QTMAN: variants seen among roughly 807,000 people sequenced by gnomAD.
The protein encoded by QTMAN is queuosine-tRNA mannosyltransferase.
chr2:144,202,990 T>C, the QTMAN span, among the ~76,000 whole-genome samples: 1 of 152,164 alleles, frequency 6.6e-6, no homozygotes, highest in Non-Finnish European at 1.5e-5. Flanking sequence ...GAATAAACTA[T>C]AAACTCCATA....
the QTMAN span, among the ~76,000 whole-genome samples, chr2:144,103,254 T>C: frequency 6.6e-6 from 1 of 152,298 alleles, no homozygotes; most frequent in South Asian, 2.1e-4. Flanking sequence ...TGTTAGTAGA[T>C]GGAGACGTGG....
At chr2:144,236,666 A>G in the QTMAN span, among the ~76,000 whole-genome samples, 1 of 152,198 alleles carries the variant, frequency 6.6e-6, no homozygotes, top group Non-Finnish European at 1.5e-5. Flanking sequence ...GGTGTGATCA[A>G]ATCAATAGGA....
chr2:144,313,494 G>T, the QTMAN span, among the ~76,000 whole-genome samples: 1 of 151,990 alleles, frequency 6.6e-6, no homozygotes, highest in Non-Finnish European at 1.5e-5. Flanking sequence ...AAAATGAGGG[G>T]GAAAGCTACT....
the QTMAN span, among the ~76,000 whole-genome samples, chr2:143,979,933 A>G: frequency 1.3e-5 from 2 of 152,122 alleles, no homozygotes; most frequent in Non-Finnish European, 2.9e-5. Context: ...CAAATCTCTT[A>G]GCGAGGCCTC....
the QTMAN span, among the ~76,000 whole-genome samples, chr2:144,041,044 C>T: frequency 6.6e-6 from 1 of 152,132 alleles, no homozygotes; most frequent in Admixed American, 6.5e-5. Flanking sequence ...TTCATTCATT[C>T]ACTCACTATG....
At chr2:144,214,871 T>C in the QTMAN span, among the ~76,000 whole-genome samples, 72 of 152,366 alleles carry the variant, frequency 4.7e-4, no homozygotes, top group Non-Finnish European at 8.4e-4. Flanking sequence ...TAGCATCTTA[T>C]ATGTATTTGT....
At chr2:143,991,804 G>A in the QTMAN span, among the ~76,000 whole-genome samples, 6 of 146,014 alleles carry the variant, frequency 4.1e-5, no homozygotes, top group Non-Finnish European at 7.5e-5. Context: ...CCCCCTGCCC[G>A]GCCAGCCGCC....
the QTMAN span, among the ~76,000 whole-genome samples, chr2:144,238,425 TCA>T: frequency 2.2e-4 from 34 of 152,182 alleles, no homozygotes; most frequent in Non-Finnish European, 8.8e-5. Context: ...TCCTAGCTAT[TCA>T]CAGTCAACTT....
chr2:144,082,578 T>G, the QTMAN span, among the ~76,000 whole-genome samples: 1 of 152,070 alleles, frequency 6.6e-6, no homozygotes, highest in Non-Finnish European at 1.5e-5. Context: ...TACAAAAAGG[T>G]TGAACATACC....
At chr2:144,059,840 A>G in the QTMAN span, among the ~76,000 whole-genome samples, 1 of 152,034 alleles carries the variant, frequency 6.6e-6, no homozygotes, top group African/African-American at 2.4e-5. Flanking sequence ...CTTCTTGTCA[A>G]TCAGGTGTTA....
At chr2:144,037,811 T>C in the QTMAN span, among the ~76,000 whole-genome samples, 1 of 152,114 alleles carries the variant, frequency 6.6e-6, no homozygotes, top group African/African-American at 2.4e-5. Context: ...TTTGAGAAAA[T>C]GGATATAAAA....
chr2:144,174,314 A>T, the QTMAN span, among the ~76,000 whole-genome samples: 4 of 152,154 alleles, frequency 2.6e-5, no homozygotes, highest in African/African-American at 9.7e-5. Flanking sequence ...ACCAAGATCT[A>T]GAAACTATTT....
chr2:144,104,414 C>A, the QTMAN span, among the ~76,000 whole-genome samples: 1 of 152,206 alleles, frequency 6.6e-6, no homozygotes, highest in African/African-American at 2.4e-5. Flanking sequence ...CACCCTAACG[C>A]TGCACTTTTC....
the QTMAN span, among the ~76,000 whole-genome samples, chr2:144,133,290 TA>T: frequency 7.6e-5 from 5 of 65,514 alleles, no homozygotes; most frequent in East Asian, 1.4e-3. Context: ...TATACATATA[TA>T]AATATATATG....
At chr2:144,124,015 T>C in the QTMAN span, among the ~76,000 whole-genome samples, 1 of 152,092 alleles carries the variant, frequency 6.6e-6, no homozygotes, top group Non-Finnish European at 1.5e-5. Context: ...ATAACTTGGA[T>C]CCTATCAAAA....
chr2:144,053,132 G>A, the QTMAN span, among the ~76,000 whole-genome samples: 1 of 152,156 alleles, frequency 6.6e-6, no homozygotes, highest in African/African-American at 2.4e-5. Flanking sequence ...AGTGAGTCAT[G>A]ATCAGCATTT....
the QTMAN span, among the ~76,000 whole-genome samples, chr2:144,080,190 A>G: frequency 3.3e-5 from 5 of 152,244 alleles, no homozygotes; most frequent in South Asian, 2.1e-4. Flanking sequence ...CTCTTTAACA[A>G]TAATCTCTAA....
At chr2:144,185,945 G>A in the QTMAN span, among the ~76,000 whole-genome samples, 1 of 152,202 alleles carries the variant, frequency 6.6e-6, no homozygotes, top group East Asian at 1.9e-4. Flanking sequence ...GTACACAAAT[G>A]GCAGGCAGGC....
the QTMAN span, among the ~76,000 whole-genome samples, chr2:144,065,347 C>T: frequency 6.6e-6 from 1 of 152,136 alleles, no homozygotes; most frequent in African/African-American, 2.4e-5. Context: ...CACTCTCTAC[C>T]TTTCTTGGCC....
Sources: allele counts gnomAD v4.1 joint callset (sites outside exome capture counted in the v4.1 genomes callset), GRCh38; gene constraint gnomAD v4.1.1; transcripts MANE v1.5; gene names NCBI Gene and HGNC (gene_info 2026-07-23, HGNC 2026-07-21).